PPP4R3A: variants seen among roughly 807,000 people sequenced by gnomAD.
PPP4R3A encodes the protein serine/threonine-protein phosphatase 4 regulatory subunit 3A.
PPP4R3A carries 15 observed loss-of-function variants against 91.7 expected under a neutral mutation model. That is an observed-to-expected ratio of 0.16 (90% CI 0.11 to 0.25). The LOEUF is 0.25. Ranked by LOEUF, PPP4R3A falls within the 10% of genes least tolerant of loss-of-function variation. The pLI, the probability that PPP4R3A is intolerant of heterozygous loss-of-function variation, is 1.00. For missense variants in PPP4R3A, 623 were observed against 998.4 expected (o/e 0.62, Z 5.07); for synonymous variants, 377 against 348.7 (o/e 1.08, Z -0.91).
chr14:91,487,187 T>C lies in PPP4R3A; in HGVS notation c.199-1457A>G, dbSNP rs149564511. Among the ~76,000 whole-genome samples, 1,315 of 142,524 alleles carry C rather than the reference T, an allele frequency of 9.2e-3. 5 individuals carry two copies. Among genetic ancestry groups the C allele is most frequent in the African/African-American group, 0.021 (810 of 38,266 alleles). 93.5% of individuals were successfully genotyped at this position (142,524 alleles called of 152,430 possible). On this transcript the variant is annotated intron_variant, in intron 2 of 14. Coordinates refer to ENST00000554943, the MANE Select transcript of PPP4R3A (RefSeq NM_001366432.2). ...GTCACTTGAACCCGGGAGGCAGAGG[T>C]TGCAGTGATCCGAGATCGTGCCACT...
At chr14:91,490,899 A>T (rs921800340) in intron 1 of PPP4R3A, 97 bp from the exon 2 acceptor site, 1 of 449,596 alleles carries the variant, frequency 2.2e-6, no homozygotes, top group Non-Finnish European at 3.5e-6. Flanking sequence ...AAATAATAAT[A>T]ATTTTTTTTT....
intron 7 of PPP4R3A, among the ~76,000 whole-genome samples, chr14:91,473,789 G>A (rs935877686): frequency 2.0e-5 from 3 of 151,874 alleles, no homozygotes; most frequent in African/African-American, 7.3e-5. Context: ...TTATTTTTTT[G>A]AGACGGAGTT....
At chr14:91,505,289 C>T (rs1426829223) in intron 1 of PPP4R3A, among the ~76,000 whole-genome samples, 1 of 152,078 alleles carries the variant, frequency 6.6e-6, no homozygotes, top group Non-Finnish European at 1.5e-5. Context: ...CGTGTCCCTA[C>T]TAAAAACACA....
chr14:91,491,301 C>G (rs1019161618), intron 1 of PPP4R3A, among the ~76,000 whole-genome samples: 7 of 151,992 alleles, frequency 4.6e-5, no homozygotes, highest in African/African-American at 1.4e-4. Context: ...CTCAAGTGAT[C>G]CTCCCACTGC....
chr14:91,464,045 G>A (rs563643251), intron 11 of PPP4R3A, among the ~76,000 whole-genome samples: 6 of 152,318 alleles, frequency 3.9e-5, no homozygotes, highest in Admixed American at 1.3e-4. Flanking sequence ...GTCACAGGCC[G>A]GGTGAAGAGG....
intron 13 of PPP4R3A, 168 bp from the exon 14 acceptor site, chr14:91,461,775 T>C: frequency 1.2e-6 from 1 of 846,604 alleles, no homozygotes; most frequent in Non-Finnish European, 1.8e-6. Flanking sequence ...TTCCATTCAT[T>C]GGATCTTACC....
intron 1 of PPP4R3A, among the ~76,000 whole-genome samples, chr14:91,497,577 C>T (rs1890661546): frequency 6.6e-6 from 1 of 152,198 alleles, no homozygotes; most frequent in African/African-American, 2.4e-5. Context: ...ACTGTGGAAT[C>T]TATCATTCCT....
chr14:91,486,242 GT>G (rs199497430), intron 2 of PPP4R3A, among the ~76,000 whole-genome samples: 6 of 94,054 alleles, frequency 6.4e-5, no homozygotes, highest in East Asian at 1.2e-3. Context: ...CTATACATAG[GT>G]TTTTTTGTTT....
At position 91,498,042 on chromosome 14, in the gene PPP4R3A, T is replaced by C. The variant is rs149920813; in HGVS notation, c.143-7240A>G. Among the ~76,000 whole-genome samples the C allele has an allele frequency of 5.3e-4, 81 of 152,266 alleles. 1 individual carries two copies. The highest frequency in any genetic ancestry group is 1.9e-3 in the African/African-American group (78 of 41,544). The stretch of plus-strand genomic sequence containing the variant: ...TAAAAATTAGGCCAGATGTTGCAAT[T>C]TGTAAAAGTAGGCCAGGCATGGTGG... On this transcript the variant is annotated intron_variant, in intron 1 of 14. Transcript: ENST00000554943.
intron 1 of PPP4R3A, among the ~76,000 whole-genome samples, chr14:91,497,624 T>TG (rs1029248211): frequency 2.0e-5 from 3 of 152,208 alleles, no homozygotes; most frequent in Non-Finnish European, 4.4e-5. Context: ...TATGTGCACT[T>TG]GGACTTTCTC....
chr14:91,462,215 G>A lies in PPP4R3A; in HGVS notation c.1998C>T (p.His666=). Residue 666 remains histidine (H), a synonymous_variant, in exon 13 of 15, where the codon CAC becomes CAT. Coordinates refer to ENST00000554943, the MANE Select transcript of PPP4R3A (RefSeq NM_001366432.2). ...LDSMRSILRN[H]RYRRDARTLE... is the part of the protein sequence containing the mutation. ...GTGTTCTGGCATCTCTTCGATATCTGTGATTCCTCAAAATGGAACGCATAC... is the reference window on the plus strand; with the variant it reads ...GTGTTCTGGCATCTCTTCGATATCTATGATTCCTCAAAATGGAACGCATAC... The A allele has an allele frequency of 2.5e-6, 4 of 1,591,986 alleles. No homozygotes were observed. The highest frequency in any genetic ancestry group is 3.4e-6 in the Non-Finnish European group (4 of 1,173,216).
At chr14:91,471,397 C>T in intron 9 of PPP4R3A, among the ~76,000 whole-genome samples, 1 of 152,168 alleles carries the variant, frequency 6.6e-6, no homozygotes, top group East Asian at 1.9e-4. Context: ...ATCTTTGGTG[C>T]AATTACTCTC....
intron 2 of PPP4R3A, among the ~76,000 whole-genome samples, chr14:91,489,693 T>TA (rs1440755008): frequency 6.6e-6 from 1 of 152,256 alleles, no homozygotes; most frequent in African/African-American, 2.4e-5. Flanking sequence ...TTAATGTATT[T>TA]AAGTATGGAA....
At position 91,473,464 on chromosome 14, in the gene PPP4R3A, T is replaced by G. The variant is rs1043322486; in HGVS notation, c.1267-94A>C. ...ACATACCACAGCATTATACCTAGGC[T>G]CTAGCTGTTTTGTTAACTGCAAAGT... On this transcript the variant is annotated intron_variant, in intron 7 of 14. Coordinates refer to ENST00000554943, the MANE Select transcript of PPP4R3A (RefSeq NM_001366432.2). 2.2e-6 allele frequency: 3 copies of G among 1,343,006 alleles called. No homozygotes were observed. In the East Asian group the frequency reaches 7.2e-5, roughly 32 times the overall value. 83.2% of individuals were successfully genotyped at this position (1,343,006 alleles called of 1,614,324 possible).
intron 3 of PPP4R3A, among the ~76,000 whole-genome samples, chr14:91,485,409 T>G (rs1034278064): frequency 6.6e-6 from 1 of 152,112 alleles, no homozygotes; most frequent in African/African-American, 2.4e-5. Flanking sequence ...AAGAGAAAGT[T>G]TCAAAAAGGC....
At chr14:91,495,936 C>A (rs1462564895) in intron 1 of PPP4R3A, among the ~76,000 whole-genome samples, 2 of 3,186 alleles carry the variant, frequency 6.3e-4, no homozygotes, top group Non-Finnish European at 9.6e-4. Context: ...CAAAACAAAA[C>A]ACACACACAC....
chr14:91,473,522 A>AGCCC (rs2140094919), intron 7 of PPP4R3A, 152 bp from the exon 8 acceptor site: 3 of 815,526 alleles, frequency 3.7e-6, no homozygotes, highest in Non-Finnish European at 5.6e-6. Flanking sequence ...GACAGGACAT[A>AGCCC]TGACAGTGTT....
At chr14:91,460,572 A>G (rs1033738633) in intron 14 of PPP4R3A, among the ~76,000 whole-genome samples, 1 of 151,044 alleles carries the variant, frequency 6.6e-6, no homozygotes, top group East Asian at 2.0e-4. Flanking sequence ...TGGCATAAGG[A>G]GCCCCCAAAA....
rs1204348091 is a variant in PPP4R3A at position 91,509,449 on chromosome 14, G to A, written c.142+57C>T. ...AGCGCCATGCCCCGCAAGAACCAGG[G>A]AGGCGGCCCAGGGCCGTGGGGGCTG... On this transcript the variant is annotated intron_variant, in intron 1 of 14. Coordinates refer to ENST00000554943, the MANE Select transcript of PPP4R3A (RefSeq NM_001366432.2). The A allele has an allele frequency of 2.4e-5, 37 of 1,537,980 alleles. No homozygotes were observed. The Admixed American group carries it at 6.8e-4, about 28-fold the overall frequency.
Sources: gnomAD v4.1 joint callset for allele counts (sites outside exome capture counted in the v4.1 genomes callset) on GRCh38, gnomAD v4.1.1 for gene constraint, MANE v1.5 for transcripts, NCBI Gene and HGNC (gene_info 2026-07-23, HGNC 2026-07-21) for gene names.